RAD51B: variants seen among roughly 807,000 people sequenced by gnomAD.
RAD51B encodes the protein RAD51 paralog B.
In RAD51B, 38 loss-of-function variants were observed where a neutral mutation model predicts 42.2. The ratio of observed to expected loss-of-function variants is 0.90; its 90% CI spans 0.70 to 1.18. RAD51B has a LOEUF of 1.18. RAD51B is among the 50% of genes most tolerant of loss of function. The probability of loss-of-function intolerance (pLI) is 0.00; values close to 1 mark genes in which losing one functional copy is unlikely to be tolerated. For missense variants in RAD51B, 373 were observed against 400.7 expected (o/e 0.93, Z 0.59); for synonymous variants, 154 against 145.2 (o/e 1.06, Z -0.43).
intron 8 of RAD51B, among the ~76,000 whole-genome samples, chr14:68,351,428 T>C (rs139219405): frequency 1.1e-3 from 162 of 152,330 alleles, no homozygotes; most frequent in African/African-American, 3.8e-3. Context: ...TGAATGTTTA[T>C]GGTAAACCGA....
downstream of RAD51B, among the ~76,000 whole-genome samples, chr14:68,480,446 T>A (rs1883086847): frequency 6.6e-6 from 1 of 152,198 alleles, no homozygotes; most frequent in Admixed American, 6.5e-5. Flanking sequence ...ATATTACTTT[T>A]TCTCCCCTAC....
At chr14:67,874,881 A>G (rs2042675859) in intron 5 of RAD51B, among the ~76,000 whole-genome samples, 1 of 152,236 alleles carries the variant, frequency 6.6e-6, no homozygotes, top group South Asian at 2.1e-4. Flanking sequence ...AGTTACAAAA[A>G]GATGGAACTG....
At chr14:68,506,165 C>A (rs998937790) in intron 10 of RAD51B, among the ~76,000 whole-genome samples, 60 of 152,308 alleles carry the variant, frequency 3.9e-4, no homozygotes, top group African/African-American at 1.4e-3. Flanking sequence ...AAAGCAGGAC[C>A]TTGAGACAGA....
At chr14:68,421,402 T>G (rs1220607376) in intron 9 of RAD51B, among the ~76,000 whole-genome samples, 1 of 152,176 alleles carries the variant, frequency 6.6e-6, no homozygotes, top group East Asian at 1.9e-4. Context: ...ATGCTAGTTT[T>G]CATTTCAAGT....
intron 7 of RAD51B, among the ~76,000 whole-genome samples, chr14:67,945,690 C>T (rs2045367090): frequency 6.6e-6 from 1 of 151,886 alleles, no homozygotes; most frequent in African/African-American, 2.4e-5. Flanking sequence ...AGGCTGGTTT[C>T]GAACTCCTGA....
chr14:68,681,634 G>A (rs542703504), intron 11 of RAD51B, among the ~76,000 whole-genome samples: 1 of 152,302 alleles, frequency 6.6e-6, no homozygotes, highest in South Asian at 2.1e-4. Context: ...AGACCTGCCT[G>A]GAAGATGACC....
chr14:68,472,136 G>C (rs1361416614), intron 10 of RAD51B: 1 of 152,440 alleles, frequency 6.6e-6, no homozygotes, highest in East Asian at 1.9e-4. Flanking sequence ...GCAGGAGTTG[G>C]TTCTGGGAAT....
At chr14:68,680,985 T>C (rs58276394) in intron 11 of RAD51B, among the ~76,000 whole-genome samples, 3,426 of 152,222 alleles carry the variant, frequency 0.023, 138 homozygotes, top group African/African-American at 0.078. Context: ...ACACATCACT[T>C]CACAGCTGGT....
At chr14:68,001,624 T>C (rs2075484633) in intron 7 of RAD51B, among the ~76,000 whole-genome samples, 1 of 152,196 alleles carries the variant, frequency 6.6e-6, no homozygotes, top group African/African-American at 2.4e-5. Flanking sequence ...GGTGGTTTGC[T>C]GCATAGATCA....
At chr14:67,960,210 C>T (rs2074635852) in intron 7 of RAD51B, among the ~76,000 whole-genome samples, 1 of 152,110 alleles carries the variant, frequency 6.6e-6, no homozygotes, top group South Asian at 2.1e-4. Context: ...TTCTGTTGAG[C>T]AGATGCAGAA....
intron 7 of RAD51B, among the ~76,000 whole-genome samples, chr14:67,994,873 C>A (rs554149524): frequency 6.6e-6 from 1 of 152,146 alleles, no homozygotes; most frequent in African/African-American, 2.4e-5. Context: ...ACCCAAATGT[C>A]ATCAGTAGAT....
chr14:67,912,377 T>C (rs1468387717), intron 7 of RAD51B, among the ~76,000 whole-genome samples: 2 of 152,238 alleles, frequency 1.3e-5, no homozygotes, highest in Non-Finnish European at 2.9e-5. Context: ...GGCATTATGC[T>C]AGGTATATGA....
intron 10 of RAD51B, among the ~76,000 whole-genome samples, chr14:68,572,750 G>A (rs1889770844): frequency 6.6e-6 from 1 of 152,172 alleles, no homozygotes. Context: ...ATCTTGATAT[G>A]CTCTTCCCCT....
chr14:68,260,486 C>A (rs2080866332), intron 7 of RAD51B, among the ~76,000 whole-genome samples: 1 of 151,986 alleles, frequency 6.6e-6, no homozygotes, highest in Non-Finnish European at 1.5e-5. Context: ...GATCCAGACC[C>A]AAGGAAAGCT....
Position 68,013,460 on chromosome 14 carries a change from C to T in RAD51B, c.756+126256C>T, listed in dbSNP as rs137905786. On this transcript the variant is annotated intron_variant, in intron 7 of 10. Coordinates refer to ENST00000471583, the MANE Select transcript of RAD51B (RefSeq NM_133510.4). Reference sequence around the variant, plus strand: ...GGAAGAGCATGCTGGACCAGAAATACGGCTGAAGCCATTTTTGGAAATATG... The same window carrying T: ...GGAAGAGCATGCTGGACCAGAAATATGGCTGAAGCCATTTTTGGAAATATG... Among the ~76,000 whole-genome samples the T allele has an allele frequency of 3.5e-3, 538 of 152,198 alleles. 3 individuals are homozygous for T. Among genetic ancestry groups the T allele is most frequent in the African/African-American group, 0.012 (485 of 41,538 alleles).
chr14:68,153,887 G>A (rs1446929752), intron 7 of RAD51B, among the ~76,000 whole-genome samples: 1 of 152,168 alleles, frequency 6.6e-6, no homozygotes, highest in Non-Finnish European at 1.5e-5. Flanking sequence ...TTTATTGAGT[G>A]TATTCCCTAA....
intron 7 of RAD51B, among the ~76,000 whole-genome samples, chr14:68,211,294 C>T (rs1425754872): frequency 2.6e-5 from 4 of 152,160 alleles, no homozygotes; most frequent in Admixed American, 6.5e-5. Flanking sequence ...GGCCTTGCTC[C>T]CTGCCTGCAA....
rs531495072 is a variant in RAD51B at position 68,454,310 on chromosome 14, C to G, written c.958-13862C>G. ...TCAGCATAGTGGAATAAGGCACTCCCAAACTCTACACCTCCATAAAAGTAA... is the reference window on the plus strand; with the variant it reads ...TCAGCATAGTGGAATAAGGCACTCCGAAACTCTACACCTCCATAAAAGTAA... On this transcript the variant is annotated intron_variant, in intron 9 of 10. Transcript: ENST00000471583. Among the ~76,000 whole-genome samples the G allele has an allele frequency of 3.3e-5, 5 of 152,226 alleles. No homozygotes were observed. The East Asian group carries it at 9.6e-4, about 29-fold the overall frequency.
In RAD51B at chr14:68,214,949, A is replaced by G. The variant is rs74780044; in HGVS notation, c.757-76935A>G. On this transcript the variant is annotated intron_variant, in intron 7 of 10. Transcript: ENST00000471583. ...ATTAAATGAATCCTTGGGGGTTCTAATTATATTATGGAAAAAAGAACTTGA... is the reference window on the plus strand; with the variant it reads ...ATTAAATGAATCCTTGGGGGTTCTAGTTATATTATGGAAAAAAGAACTTGA... Among the ~76,000 whole-genome samples, 46 of 152,300 alleles carry G rather than the reference A, an allele frequency of 3.0e-4. 1 individual carries two copies. The East Asian group carries it at 8.9e-3, about 29-fold the overall frequency.
Sources: allele counts gnomAD v4.1 joint callset (sites outside exome capture counted in the v4.1 genomes callset), GRCh38; gene constraint gnomAD v4.1.1; transcripts MANE v1.5; gene names NCBI Gene and HGNC (gene_info 2026-07-23, HGNC 2026-07-21).